Variants in CEP63 observed in about 807,000 individuals in gnomAD.
The protein encoded by CEP63 is centrosomal protein of 63 kDa.
Under a neutral mutation model 89.1 loss-of-function variants are expected in CEP63, and 84 were observed. The ratio of observed to expected loss-of-function variants is 0.94; its 90% CI spans 0.79 to 1.13. The LOEUF is 1.13. Ranked by LOEUF, CEP63 falls within the 50% of genes most tolerant of loss-of-function variation. The pLI, the probability that CEP63 is intolerant of heterozygous loss-of-function variation, is 0.00. For synonymous variants in CEP63, 267 were observed against 272.5 expected (o/e 0.98, Z 0.20); for missense variants, 838 against 813.3 (o/e 1.03, Z -0.37).
At chr3:134,774,492 A>G in the CEP63 span, among the ~76,000 whole-genome samples, 1 of 152,268 alleles carries the variant, frequency 6.6e-6, no homozygotes, top group Non-Finnish European at 1.5e-5. Context: ...ACTCTTGTCC[A>G]CATGGGAAGC....
the CEP63 span, among the ~76,000 whole-genome samples, chr3:134,757,711 TG>T: frequency 6.6e-6 from 1 of 151,916 alleles, no homozygotes; most frequent in African/African-American, 2.4e-5. Context: ...TAGGGGCCCT[TG>T]GGGGGTGGTG....
chr3:134,573,304 C>G (rs548806921), intron 11 of CEP63, among the ~76,000 whole-genome samples: 1 of 152,230 alleles, frequency 6.6e-6, no homozygotes, highest in Non-Finnish European at 1.5e-5. Context: ...CTTTTGGGGA[C>G]TTAGTCATAA....
the CEP63 span, among the ~76,000 whole-genome samples, chr3:134,751,846 A>G: frequency 6.6e-6 from 1 of 152,162 alleles, no homozygotes; most frequent in Non-Finnish European, 1.5e-5. Flanking sequence ...ATAAGACTCC[A>G]TGAAAATCCT....
At chr3:134,614,726 G>T in the CEP63 span, among the ~76,000 whole-genome samples, 10 of 152,128 alleles carry the variant, frequency 6.6e-5, no homozygotes, top group African/African-American at 2.4e-4. Flanking sequence ...TATTAATTTG[G>T]TATTATTTTA....
chr3:134,670,098 T>C, the CEP63 span, among the ~76,000 whole-genome samples: 2 of 152,220 alleles, frequency 1.3e-5, no homozygotes, highest in African/African-American at 2.4e-5. Context: ...GACCCTGATC[T>C]CAGACTTTCA....
the CEP63 span, among the ~76,000 whole-genome samples, chr3:134,606,465 G>C: frequency 2.6e-5 from 4 of 152,050 alleles, no homozygotes; most frequent in Non-Finnish European, 5.9e-5. Context: ...CCTGGATAAG[G>C]CTTCATGGTA....
intron 13 of CEP63, among the ~76,000 whole-genome samples, chr3:134,558,621 C>T (rs1473525513): frequency 6.6e-6 from 1 of 152,164 alleles, no homozygotes; most frequent in Non-Finnish European, 1.5e-5. Context: ...TGCCTTCCAC[C>T]TCTTCAACCC....
chr3:134,488,286 C>G (rs1247378707), intron 1 of CEP63, among the ~76,000 whole-genome samples: 3 of 152,156 alleles, frequency 2.0e-5, no homozygotes, highest in Admixed American at 6.5e-5. Context: ...AAACCATGCC[C>G]CTAACCCTGT....
the CEP63 span, among the ~76,000 whole-genome samples, chr3:134,635,200 C>G: frequency 6.6e-6 from 1 of 152,244 alleles, no homozygotes; most frequent in East Asian, 1.9e-4. Flanking sequence ...ACATCCATAT[C>G]AAGAAATAGT....
Position 134,561,484 on chromosome 3 carries a change from A to G in CEP63, c.2061A>G (p.Glu687=), listed in dbSNP as rs1957338634. Residue 687 remains glutamate, a synonymous_variant, in exon 15 of 15, where the codon GAA becomes GAG. Coordinates refer to ENST00000675561, the MANE Select transcript of CEP63 (RefSeq NM_001353108.3). The part of the protein sequence containing the change: ...ILERLDAHIE[E]LKRESEKTVR... ...AGCGCTTGGATGCCCATATTGAAGAACTAAAAAGAGAGAGTGAAAAGACAG... is the reference window on the plus strand; with the variant it reads ...AGCGCTTGGATGCCCATATTGAAGAGCTAAAAAGAGAGAGTGAAAAGACAG... 8.7e-6 allele frequency: 14 copies of G among 1,613,942 alleles called. No individual in the cohort carries two copies. Among genetic ancestry groups the G allele is most frequent in the Non-Finnish European group, 1.1e-5 (13 of 1,179,978 alleles).
chr3:134,586,524 C>G (rs979083675), intron 10 of CEP63, among the ~76,000 whole-genome samples: 3 of 152,210 alleles, frequency 2.0e-5, no homozygotes, highest in Admixed American at 2.0e-4. Flanking sequence ...ATTGGCCCCA[C>G]TCTCTTCTGG....
chr3:134,718,305 G>A, the CEP63 span, among the ~76,000 whole-genome samples: 1 of 152,154 alleles, frequency 6.6e-6, no homozygotes, highest in African/African-American at 2.4e-5. Context: ...CACTGAAGAA[G>A]AAAATGCCTA....
chr3:134,608,640 C>T, the CEP63 span: 290 of 1,613,970 alleles, frequency 1.8e-4, no homozygotes, highest in Admixed American at 1.5e-3. Context: ...GCACCTGCTC[C>T]GGGCTCACCT....
the CEP63 span, among the ~76,000 whole-genome samples, chr3:134,703,030 T>G: frequency 1.3e-5 from 2 of 152,196 alleles, no homozygotes; most frequent in Non-Finnish European, 1.5e-5. Context: ...GTGCGGTCAC[T>G]CATGCCTGTA....
At chr3:134,586,235 A>G (rs572890045) in intron 10 of CEP63, among the ~76,000 whole-genome samples, 59 of 152,276 alleles carry the variant, frequency 3.9e-4, no homozygotes, top group African/African-American at 1.3e-3. Context: ...TCTTGTCATT[A>G]TAATGTTAGC....
the CEP63 span, among the ~76,000 whole-genome samples, chr3:134,765,565 G>A: frequency 7.4e-4 from 112 of 152,332 alleles, 1 homozygote; most frequent in African/African-American, 2.6e-3. Context: ...GAGAACCAGA[G>A]GAAGTGAGGG....
intron 11 of CEP63, among the ~76,000 whole-genome samples, chr3:134,574,450 G>A (rs573323621): frequency 6.9e-4 from 105 of 152,264 alleles, no homozygotes; most frequent in Non-Finnish European, 8.1e-4. Context: ...AGACAATTAT[G>A]TCTGTCTGCT....
the CEP63 span, among the ~76,000 whole-genome samples, chr3:134,708,911 A>G: frequency 1.3e-5 from 2 of 151,556 alleles, no homozygotes; most frequent in Non-Finnish European, 2.9e-5. Context: ...GGGGTGGGGG[A>G]AGATTATTTT....
chr3:134,669,896 C>T, the CEP63 span, among the ~76,000 whole-genome samples: 1 of 152,142 alleles, frequency 6.6e-6, no homozygotes, highest in Non-Finnish European at 1.5e-5. Flanking sequence ...ACCTAATCCC[C>T]AATGTGATGA....
Sources: allele counts gnomAD v4.1 joint callset (sites outside exome capture counted in the v4.1 genomes callset), GRCh38; gene constraint gnomAD v4.1.1; transcripts MANE v1.5; gene names NCBI Gene and HGNC (gene_info 2026-07-23, HGNC 2026-07-21).